The following SCML4 variants were observed in gnomAD, a reference collection of about 807,000 sequenced individuals.
SCML4 encodes the protein Scm polycomb group protein like 4, also known as sex comb on midleg-like protein 4.
In SCML4, 34 loss-of-function variants were observed where a neutral mutation model predicts 41.1. The ratio of observed to expected loss-of-function variants is 0.83; its 90% CI spans 0.63 to 1.10. The LOEUF is 1.10. SCML4 is among the 50% of genes least tolerant of loss of function. SCML4 has a pLI of 0.00. For missense variants in SCML4, 522 were observed against 534.1 expected, an observed-to-expected ratio of 0.98 and a Z score of 0.22; for synonymous variants, 214 against 220.9, an observed-to-expected ratio of 0.97 and a Z score of 0.28.
chr6:107,722,056 C>T (rs2114408331), intron 5 of SCML4, among the ~76,000 whole-genome samples: 1 of 147,262 alleles, frequency 6.8e-6, no homozygotes, highest in South Asian at 2.1e-4. Flanking sequence ...GTGGTGCGAT[C>T]TCGGCTCACT....
chr6:107,729,400 A>G (rs1776312357), intron 5 of SCML4, among the ~76,000 whole-genome samples: 1 of 152,186 alleles, frequency 6.6e-6, no homozygotes, highest in Admixed American at 6.5e-5. Flanking sequence ...ATCTGTGTCC[A>G]AATTTCCTTC....
intron 4 of SCML4, chr6:107,746,106 A>T (rs1778064478): frequency 6.6e-6 from 1 of 152,254 alleles, no homozygotes; most frequent in African/African-American, 2.4e-5. Context: ...ATTTGAGTAG[A>T]ACCTAAAGGA....
chr6:107,832,344 G>C, the SCML4 span, among the ~76,000 whole-genome samples: 6 of 152,204 alleles, frequency 3.9e-5, no homozygotes, highest in Non-Finnish European at 1.5e-5. Flanking sequence ...GATCTGGTCT[G>C]AATCATCTTA....
At chr6:107,755,714 A>G (rs1449542729) in intron 2 of SCML4, 7 of 923,620 alleles carry the variant, frequency 7.6e-6, no homozygotes, top group South Asian at 1.7e-5. Flanking sequence ...TGGACAAAAT[A>G]AAACACAGTT....
upstream of SCML4, among the ~76,000 whole-genome samples, chr6:107,825,951 A>AAG (rs1554228002): frequency 1.1e-4 from 16 of 149,888 alleles, no homozygotes; most frequent in Admixed American, 5.3e-4. Context: ...AAAAAAAAAA[A>AAG]AAAAAGAAAA....
intron 1 of SCML4, among the ~76,000 whole-genome samples, chr6:107,791,283 G>C (rs1168098010): frequency 6.6e-6 from 1 of 152,138 alleles, no homozygotes; most frequent in Non-Finnish European, 1.5e-5. Context: ...AAAGAGAAGG[G>C]TCTCAAACTG....
chr6:107,829,778 A>AATT, the SCML4 span, among the ~76,000 whole-genome samples: 817 of 151,580 alleles, frequency 5.4e-3, 7 homozygotes, highest in East Asian at 7.2e-3. Flanking sequence ...ATAAATAAAT[A>AATT]AATATTGGTT....
intron 6 of SCML4, among the ~76,000 whole-genome samples, chr6:107,708,843 C>T (rs1217117449): frequency 6.6e-6 from 1 of 152,134 alleles, no homozygotes; most frequent in Non-Finnish European, 1.5e-5. Context: ...GTTCAATGGC[C>T]GGCAATATTT....
chr6:107,751,031 T>G (rs983722371), intron 2 of SCML4, among the ~76,000 whole-genome samples: 1 of 152,178 alleles, frequency 6.6e-6, no homozygotes, highest in African/African-American at 2.4e-5. Flanking sequence ...TCAACAAATA[T>G]ATACCAAGAG....
intron 1 of SCML4, among the ~76,000 whole-genome samples, chr6:107,811,458 T>C (rs1784152676): frequency 6.6e-6 from 1 of 152,222 alleles, no homozygotes; most frequent in African/African-American, 2.4e-5. Context: ...ACATCTTGTA[T>C]TTATAAGCAG....
At chr6:107,720,073 T>C (rs1378043086) in intron 6 of SCML4, 1 of 985,380 alleles carries the variant, frequency 1.0e-6, no homozygotes, top group Admixed American at 6.1e-5. Context: ...ACTCTGCCTC[T>C]GCTCATGTAT....
chr6:107,823,149 C>A (rs1428299343), intron 1 of SCML4, among the ~76,000 whole-genome samples: 2 of 152,176 alleles, frequency 1.3e-5, no homozygotes, highest in South Asian at 2.1e-4. Flanking sequence ...TTCTCAAGTA[C>A]TGTAGTGTCT....
intron 5 of SCML4, among the ~76,000 whole-genome samples, chr6:107,736,043 C>T (rs545228546): frequency 6.6e-6 from 1 of 152,176 alleles, no homozygotes; most frequent in Non-Finnish European, 1.5e-5. Flanking sequence ...GAGTAGGCTA[C>T]TTGTGTGGGT....
chr6:107,843,716 G>C, the SCML4 span, among the ~76,000 whole-genome samples: 1 of 152,142 alleles, frequency 6.6e-6, no homozygotes, highest in Non-Finnish European at 1.5e-5. Context: ...TCAACTTTGC[G>C]GGAGAAGGAG....
intron 1 of SCML4, among the ~76,000 whole-genome samples, chr6:107,801,292 T>G (rs1783102301): frequency 6.6e-6 from 1 of 152,134 alleles, no homozygotes; most frequent in African/African-American, 2.4e-5. Flanking sequence ...AGCACTATCT[T>G]TATACACACG....
intron 3 of SCML4, 61 bp from the exon 4 acceptor site, chr6:107,746,950 C>T: frequency 6.9e-7 from 1 of 1,445,550 alleles, no homozygotes. Context: ...AGCTGGCGGC[C>T]TCTGTGTACA....
At chr6:107,730,440 G>A (rs1164551289) in intron 5 of SCML4, among the ~76,000 whole-genome samples, 1 of 152,246 alleles carries the variant, frequency 6.6e-6, no homozygotes, top group Non-Finnish European at 1.5e-5. Context: ...CCCAGCCTGT[G>A]TGAGGCCATT....
intron 6 of SCML4, chr6:107,718,644 C>A (rs906661176): frequency 6.6e-6 from 1 of 152,238 alleles, no homozygotes; most frequent in African/African-American, 2.4e-5. Context: ...CTGAACAGGG[C>A]AGACTGTTGT....
intron 1 of SCML4, among the ~76,000 whole-genome samples, chr6:107,778,215 AAAAAAAAATATATATATATATAT>A (rs1781154857): frequency 3.1e-4 from 2 of 6,502 alleles, no homozygotes; most frequent in African/African-American, 5.3e-4. Flanking sequence ...AAAAAAAAAA[AAAAAAAAATATATATATATATAT>A]ATATATATAT....
Sources: gnomAD v4.1 joint callset for allele counts (sites outside exome capture counted in the v4.1 genomes callset) on GRCh38, gnomAD v4.1.1 for gene constraint, MANE v1.5 for transcripts, NCBI Gene and HGNC (gene_info 2026-07-23, HGNC 2026-07-21) for gene names.